Variants in CAPS2 observed in about 807,000 individuals in gnomAD.
The protein encoded by CAPS2 is calcyphosin-2.
CAPS2 carries 98 observed loss-of-function variants against 86.5 expected under a neutral mutation model. The ratio of observed to expected loss-of-function variants is 1.13; its 90% CI spans 0.96 to 1.34. The LOEUF is 1.34. Among genes scored for constraint, CAPS2 ranks in the 40% most tolerant of loss-of-function variants. The pLI, the probability that CAPS2 is intolerant of heterozygous loss-of-function variation, is 0.00. For missense variants in CAPS2, 729 were observed against 686.8 expected (o/e 1.06, Z -0.69); for synonymous variants, 210 against 225.1 (o/e 0.93, Z 0.60).
chr12:75,305,732 C>A (rs2038391474), intron 7 of CAPS2: 4 of 690,428 alleles, frequency 5.8e-6, no homozygotes, highest in Non-Finnish European at 1.1e-5. Context: ...GTGGTACATG[C>A]GGGTCAAGGA....
intron 11 of CAPS2, chr12:75,298,229 A>C (rs1409379387): frequency 6.2e-6 from 1 of 160,604 alleles, no homozygotes; most frequent in African/African-American, 2.4e-5. Context: ...ACATGCCGGG[A>C]ATTTCCCAAA....
exon 16 of CAPS2, chr12:75,282,256 A>T (rs768069926): frequency 6.6e-7 from 1 of 1,524,742 alleles, no homozygotes; most frequent in Non-Finnish European, 9.1e-7. Flanking sequence ...ATTACCTGAA[A>T]TTACTTGAGA....
At position 75,281,408 on chromosome 12, in the gene CAPS2, T is replaced by C. The variant is rs533319768; in HGVS notation, c.1612+843A>G. Among the ~76,000 whole-genome samples the C allele has an allele frequency of 3.3e-5, 5 of 152,024 alleles. No individual in the cohort carries two copies. In the South Asian group the frequency reaches 1.0e-3, roughly 32 times the overall value. Reference sequence around the variant, plus strand: ...AGGTAAATGATAGTATATTGATTCATAAAAAGAATAATATACTGCAAGATA... The same window carrying C: ...AGGTAAATGATAGTATATTGATTCACAAAAAGAATAATATACTGCAAGATA... On this transcript the variant is annotated intron_variant, in intron 16 of 16. Coordinates refer to ENST00000393284, the Ensembl canonical transcript of CAPS2.
chr12:75,281,683 A>G (rs1483963251), intron 16 of CAPS2, among the ~76,000 whole-genome samples: 4 of 152,082 alleles, frequency 2.6e-5, no homozygotes, highest in African/African-American at 9.7e-5. Context: ...AAATGTAAAG[A>G]GGAGAGTTGT....
upstream of CAPS2, chr12:75,326,514 T>A: frequency 6.8e-7 from 1 of 1,471,440 alleles, no homozygotes; most frequent in Non-Finnish European, 9.3e-7. Flanking sequence ...TTCCTGTGTT[T>A]ATCATGCAGT....
At chr12:75,309,608 T>A (rs1565867082) in intron 7 of CAPS2, among the ~76,000 whole-genome samples, 1 of 152,204 alleles carries the variant, frequency 6.6e-6, no homozygotes, top group Non-Finnish European at 1.5e-5. Context: ...TTCAAAACTA[T>A]GAAAATGAAA....
Position 75,290,223 on chromosome 12 carries a change from A to C in CAPS2, c.1241-448T>G, listed in dbSNP as rs113715009. ...CAAAAATTATCAGTTCAACATTTTA[A>C]AAATAGTTTGAAATCTTCAAATTGT... On this transcript the variant is annotated intron_variant, in intron 13 of 16. Transcript: ENST00000393284. Among the ~76,000 whole-genome samples the C allele has an allele frequency of 4.2e-3, 633 of 152,320 alleles. 3 individuals carry two copies. The highest frequency in any genetic ancestry group is 0.015 in the African/African-American group (606 of 41,572).
chr12:75,287,696 T>C (rs2035144219), intron 14 of CAPS2, among the ~76,000 whole-genome samples: 1 of 152,166 alleles, frequency 6.6e-6, no homozygotes, highest in African/African-American at 2.4e-5. Context: ...TGCGTATTCA[T>C]CTCTTCATCT....
upstream of CAPS2, chr12:75,329,795 T>TC: frequency 6.6e-7 from 1 of 1,506,852 alleles, no homozygotes; most frequent in Non-Finnish European, 8.9e-7. Flanking sequence ...ACCCCATCAC[T>TC]CCCCCTGCTC....
At chr12:75,296,465 T>C (rs2036902477) in intron 11 of CAPS2, among the ~76,000 whole-genome samples, 1 of 152,154 alleles carries the variant, frequency 6.6e-6, no homozygotes, top group Admixed American at 6.5e-5. Flanking sequence ...CTAATTTTTT[T>C]GTATTTTTAG....
At chr12:75,291,685 C>T (rs569240737) in intron 13 of CAPS2, 59 bp downstream of exon 13, 23 of 762,710 alleles carry the variant, frequency 3.0e-5, no homozygotes, top group East Asian at 6.7e-5. Context: ...TGCTGTTTTA[C>T]TGATTATAAA....
intron 5 of CAPS2, among the ~76,000 whole-genome samples, chr12:75,319,105 T>C (rs1413963919): frequency 6.6e-6 from 1 of 152,120 alleles, no homozygotes; most frequent in African/African-American, 2.4e-5. Flanking sequence ...AATATATATG[T>C]ACACATAAGT....
chr12:75,276,307 T>G, downstream of CAPS2: 1 of 1,515,264 alleles, frequency 6.6e-7, no homozygotes. Flanking sequence ...CTACAAACTA[T>G]AATCTCATAA....
At chr12:75,376,044 C>T (rs1316586265) in intron 1 of CAPS2, among the ~76,000 whole-genome samples, 2 of 152,156 alleles carry the variant, frequency 1.3e-5, no homozygotes, top group African/African-American at 4.8e-5. Flanking sequence ...ATGAGTAAGT[C>T]TAAAGTGATG....
chr12:75,355,038 T>G (rs907334300), intron 1 of CAPS2, among the ~76,000 whole-genome samples: 9 of 151,718 alleles, frequency 5.9e-5, no homozygotes, highest in Admixed American at 2.6e-4. Flanking sequence ...TAGAAGAAAA[T>G]CTAGGCAATA....
At chr12:75,338,630 G>A (rs568384125) in intron 1 of CAPS2, among the ~76,000 whole-genome samples, 1 of 151,968 alleles carries the variant, frequency 6.6e-6, no homozygotes, top group Non-Finnish European at 1.5e-5. Context: ...TACATGTGCA[G>A]GATGTGCAGG....
At chr12:75,313,414 C>T (rs865972886) in intron 6 of CAPS2, among the ~76,000 whole-genome samples, 1 of 152,200 alleles carries the variant, frequency 6.6e-6, no homozygotes, top group South Asian at 2.1e-4. Flanking sequence ...AACAAAAACT[C>T]TCCTCATCAA....
In CAPS2 at chr12:75,285,073, T is replaced by C; in HGVS notation, c.1403A>G (p.Glu468Gly). 1.2e-6 allele frequency: 2 copies of C among 1,606,676 alleles called. No individual in the cohort carries two copies. The highest frequency in any genetic ancestry group is 1.7e-5 in the Admixed American group (1 of 58,316). ...GTCATTCAGAATTAGCCATGCAGAC[T>C]CAAAATCCTAGAAACAATCAGAGAT... Residue 468 changes from glutamate to glycine, a missense_variant, in exon 15 of 17, where the codon GAG (glutamate) becomes GGG (glycine). Physicochemically the swap from Glu to Gly is moderately conservative, Grantham distance 98. Transcript: ENST00000393284.
At chr12:75,291,413 T>G (rs1224102154) in intron 13 of CAPS2, among the ~76,000 whole-genome samples, 3 of 142,416 alleles carry the variant, frequency 2.1e-5, no homozygotes, top group Non-Finnish European at 4.5e-5. Context: ...ATAATTCATA[T>G]AATACTAGTT....
Sources: gnomAD v4.1 joint callset for allele counts (sites outside exome capture counted in the v4.1 genomes callset) on GRCh38, gnomAD v4.1.1 for gene constraint, MANE v1.5 for transcripts, NCBI Gene and HGNC (gene_info 2026-07-23, HGNC 2026-07-21) for gene names.